The following SH3PXD2B variants were observed in gnomAD, a reference collection of about 807,000 sequenced individuals.
SH3PXD2B encodes SH3 and PX domain-containing protein 2B.
In SH3PXD2B, 37 loss-of-function variants were observed where a neutral mutation model predicts 73.1. The observed-to-expected ratio is 0.51, with a 90% confidence interval of 0.39 to 0.67. The LOEUF (loss-of-function observed/expected upper bound fraction) is 0.67. Ranked by LOEUF, SH3PXD2B falls within the 30% of genes least tolerant of loss-of-function variation. The pLI is 0.00. For missense variants in SH3PXD2B, 1,053 were observed against 1,197.8 expected (o/e 0.88, Z 1.78); for synonymous variants, 457 against 480.5 (o/e 0.95, Z 0.64).
chr5:172,333,823 T>C lies in SH3PXD2B; in HGVS notation c.*4546A>G. 2 of 1,288,288 alleles carry C rather than the reference T, an allele frequency of 1.6e-6. No individual in the cohort carries two copies. The highest frequency in any genetic ancestry group is 2.5e-5 in the South Asian group (2 of 80,690). 79.8% of individuals were successfully genotyped at this position (1,288,288 alleles called of 1,614,324 possible). ...CTTGGAAGCTCCCCAAAGCAGGAAA[T>C]GTGGGTTGTAATCAAGGTGGCCACA... On this transcript the variant is annotated 3_prime_UTR_variant, in exon 13 of 13. Coordinates refer to ENST00000311601, the MANE Select transcript of SH3PXD2B (RefSeq NM_001017995.3).
At chr5:172,348,330 C>T (rs1367909937) in intron 10 of SH3PXD2B, among the ~76,000 whole-genome samples, 8 of 151,646 alleles carry the variant, frequency 5.3e-5, no homozygotes, top group Admixed American at 3.9e-4. Context: ...GAAAGCAACG[C>T]CTTTTTTTTT....
At chr5:172,330,683 C>T (rs2113221444), downstream of SH3PXD2B, among the ~76,000 whole-genome samples, 1 of 152,284 alleles carries the variant, frequency 6.6e-6, no homozygotes, top group East Asian at 1.9e-4. Context: ...TTGGGAAATG[C>T]TAAGTGGGAA....
chr5:172,431,144 G>A (rs1487694680), intron 1 of SH3PXD2B, among the ~76,000 whole-genome samples: 3 of 152,218 alleles, frequency 2.0e-5, no homozygotes, highest in Admixed American at 2.0e-4. Context: ...TGGGATTACA[G>A]GCGTGAGCCA....
chr5:172,354,717 C>T (rs905306556), intron 8 of SH3PXD2B, among the ~76,000 whole-genome samples: 1 of 152,200 alleles, frequency 6.6e-6, no homozygotes, highest in Non-Finnish European at 1.5e-5. Context: ...ACCTTGCCGG[C>T]AGCTGATCTT....
At chr5:172,438,206 A>C (rs1264732558) in intron 1 of SH3PXD2B, among the ~76,000 whole-genome samples, 2 of 152,086 alleles carry the variant, frequency 1.3e-5, no homozygotes, top group African/African-American at 4.8e-5. Context: ...TTTCTCCAGC[A>C]TCAGCCTAGA....
chr5:172,413,733 G>C (rs1453216271), intron 2 of SH3PXD2B, among the ~76,000 whole-genome samples: 4 of 152,166 alleles, frequency 2.6e-5, no homozygotes, highest in South Asian at 2.1e-4. Context: ...GTGGAAAAAG[G>C]CAACTACGGT....
intron 2 of SH3PXD2B, among the ~76,000 whole-genome samples, chr5:172,416,960 C>T (rs1378307695): frequency 6.6e-6 from 1 of 152,034 alleles, no homozygotes; most frequent in African/African-American, 2.4e-5. Context: ...CTGTCTGCCT[C>T]AGCCTCTCAA....
chr5:172,438,155 C>T (rs373931375), intron 1 of SH3PXD2B, among the ~76,000 whole-genome samples: 13 of 152,172 alleles, frequency 8.5e-5, no homozygotes, highest in East Asian at 1.9e-4. Flanking sequence ...CTGCCTCTGG[C>T]GGGAACATTT....
chr5:172,419,240 G>C (rs935897389), intron 2 of SH3PXD2B, among the ~76,000 whole-genome samples: 2 of 152,122 alleles, frequency 1.3e-5, no homozygotes, highest in African/African-American at 4.8e-5. Flanking sequence ...AGAGAACCCA[G>C]TCCACCTTGC....
At chr5:172,348,899 A>AG (rs368014613) in intron 10 of SH3PXD2B, among the ~76,000 whole-genome samples, 86 of 152,080 alleles carry the variant, frequency 5.7e-4, no homozygotes, top group Non-Finnish European at 1.0e-3. Flanking sequence ...TTTTGTAGAT[A>AG]GGGGGGTCTC....
intron 1 of SH3PXD2B, among the ~76,000 whole-genome samples, chr5:172,450,851 C>G (rs188183228): frequency 1.2e-4 from 18 of 152,344 alleles, no homozygotes; most frequent in Admixed American, 9.8e-4. Context: ...CCCTCGGGCT[C>G]TAGTGCAGGA....
chr5:172,330,134 T>A (rs1756528606), downstream of SH3PXD2B, among the ~76,000 whole-genome samples: 4 of 152,208 alleles, frequency 2.6e-5, no homozygotes. Context: ...AAATCTGTAA[T>A]CTGAGTGCTT....
chr5:172,421,442 G>A lies in SH3PXD2B; in HGVS notation c.156+974C>T, dbSNP rs1417321811. On this transcript the variant is annotated intron_variant, in intron 2 of 12. Coordinates refer to ENST00000311601, the MANE Select transcript of SH3PXD2B (RefSeq NM_001017995.3). This position sits in a 1 kb window ranked among gnomAD's most constrained non-coding sequence, Gnocchi z 4.0. ...AACACTGACTGGACATATACTGTGT[G>A]TTAGGCCTTGAATAAACTATTAAGG... Among the ~76,000 whole-genome samples the A allele has an allele frequency of 6.6e-6, 1 of 152,192 alleles. No homozygotes were observed. Among genetic ancestry groups the A allele is most frequent in the East Asian group, 1.9e-4 (1 of 5,204 alleles).
intron 6 of SH3PXD2B, among the ~76,000 whole-genome samples, chr5:172,368,378 T>C (rs1478423248): frequency 6.9e-6 from 1 of 145,678 alleles, no homozygotes; most frequent in Non-Finnish European, 1.5e-5. Flanking sequence ...CAGTCTCTTG[T>C]TCACTGCTAT....
At chr5:172,391,897 G>T (rs953034483) in intron 4 of SH3PXD2B, among the ~76,000 whole-genome samples, 3 of 152,156 alleles carry the variant, frequency 2.0e-5, no homozygotes, top group Non-Finnish European at 4.4e-5. Flanking sequence ...CCCAACTCAA[G>T]GTCGTGATGA....
intron 1 of SH3PXD2B, among the ~76,000 whole-genome samples, chr5:172,435,031 C>T (rs1214969065): frequency 6.6e-6 from 1 of 152,130 alleles, no homozygotes; most frequent in African/African-American, 2.4e-5. Flanking sequence ...GCAATCCACC[C>T]TCCTTGGCTT....
At chr5:172,428,728 G>C (rs1759162303) in intron 1 of SH3PXD2B, among the ~76,000 whole-genome samples, 1 of 152,162 alleles carries the variant, frequency 6.6e-6, no homozygotes, top group Non-Finnish European at 1.5e-5. Context: ...ATCTGCTGTT[G>C]GTATTGTTGC....
intron 1 of SH3PXD2B, among the ~76,000 whole-genome samples, chr5:172,439,692 G>GCGCGCACACACACACACACACA (rs1554087696): frequency 7.2e-6 from 1 of 138,540 alleles, no homozygotes; most frequent in African/African-American, 2.8e-5. Flanking sequence ...GCACGCGCGC[G>GCGCGCACACACACACACACACA]CACACACACA....
chr5:172,398,881 C>T (rs1758366284), intron 3 of SH3PXD2B, among the ~76,000 whole-genome samples: 1 of 152,122 alleles, frequency 6.6e-6, no homozygotes, highest in African/African-American at 2.4e-5. Context: ...AGAGTACAGC[C>T]GTTTCAGCCT....
Sources: gnomAD v4.1 joint callset for allele counts (sites outside exome capture counted in the v4.1 genomes callset) on GRCh38, gnomAD v4.1.1 for gene constraint, Gnocchi (gnomAD v3.1) non-coding constraint, MANE v1.5 for transcripts, NCBI Gene and HGNC (gene_info 2026-07-23, HGNC 2026-07-21) for gene names.